AMZ1: variants seen among roughly 807,000 people sequenced by gnomAD.
AMZ1 encodes archaemetzincin-1.
Under a neutral mutation model 29.9 loss-of-function variants are expected in AMZ1, and 39 were observed. That is an observed-to-expected ratio of 1.30 (90% CI 1.01 to 1.70). AMZ1 has a LOEUF of 1.70. Ranked by LOEUF, AMZ1 falls within the 40% of genes most tolerant of loss-of-function variation. AMZ1 has a pLI of 0.00. For synonymous variants in AMZ1, 458 were observed against 304.0 expected (o/e 1.51, Z -5.27); for missense variants, 1,041 against 680.6 (o/e 1.53, Z -5.89).
chr7:2,703,030 GCAGGACC>G, intron 3 of AMZ1, 141 bp downstream of exon 3: 1 of 1,217,996 alleles, frequency 8.2e-7, no homozygotes, highest in African/African-American at 1.6e-5. Context: ...TGTTTGGGAA[GCAGGACC>G]AAGCCGGAGA....
At chr7:2,745,263 CAG>C (rs1472513679) in intron 4 of AMZ1, among the ~76,000 whole-genome samples, 1 of 152,144 alleles carries the variant, frequency 6.6e-6, no homozygotes, top group African/African-American at 2.4e-5. Flanking sequence ...TAAGGGCAGC[CAG>C]AGAGAAAGGT....
upstream of AMZ1, chr7:2,763,179 A>G (rs1791650376): frequency 1.4e-6 from 1 of 729,432 alleles, no homozygotes; most frequent in Non-Finnish European, 1.7e-6. Context: ...GCAGGACTTC[A>G]CAAGACACCC....
In AMZ1 at chr7:2,718,016, C is replaced by G. The variant is rs185790388; in HGVS notation, c.*5138C>G. Among the ~76,000 whole-genome samples, 1 of 152,224 alleles carries G rather than the reference C, an allele frequency of 6.6e-6. No individual in the cohort carries two copies. Among genetic ancestry groups the G allele is most frequent in the African/African-American group, 2.4e-5 (1 of 41,456 alleles). On this transcript the variant is annotated 3_prime_UTR_variant, in exon 7 of 7. Coordinates refer to ENST00000683327, the MANE Select transcript of AMZ1 (RefSeq NM_001384743.1). ...CCTCCCCCGGCGGCTCCACAATGGC[C>G]CTCAGAGGGTCCGCGGCAGCCAGGC...
upstream of AMZ1, among the ~76,000 whole-genome samples, chr7:2,761,380 A>C (rs1325291966): frequency 1.3e-5 from 2 of 152,194 alleles, no homozygotes; most frequent in Non-Finnish European, 2.9e-5. Flanking sequence ...ATTTCCCTGA[A>C]ACCAGACATC....
At chr7:2,736,084 G>A (rs33932857) in intron 4 of AMZ1, among the ~76,000 whole-genome samples, 43,912 of 152,044 alleles carry the variant, frequency 0.29, 6,467 homozygotes, top group Middle Eastern at 0.34. Context: ...TACAGCAGCA[G>A]CTCATTAAAA....
At chr7:2,710,227 C>A (rs1788683018) in intron 6 of AMZ1, among the ~76,000 whole-genome samples, 1 of 152,226 alleles carries the variant, frequency 6.6e-6, no homozygotes, top group Non-Finnish European at 1.5e-5. Context: ...GAGGTGGGAG[C>A]TGACACAACA....
At chr7:2,706,516 C>T (rs975048272) in intron 3 of AMZ1, among the ~76,000 whole-genome samples, 11 of 152,202 alleles carry the variant, frequency 7.2e-5, no homozygotes, top group East Asian at 1.9e-4. Context: ...GGCAGGGCCA[C>T]GTGGTCTCAG....
chr7:2,694,655 CAT>C (rs988293800), intron 1 of AMZ1, among the ~76,000 whole-genome samples: 1 of 148,170 alleles, frequency 6.7e-6, no homozygotes. Flanking sequence ...ATTAAAATCT[CAT>C]ATATATAATA....
At chr7:2,724,165 C>A (rs779388275), downstream of AMZ1, among the ~76,000 whole-genome samples, 1 of 152,120 alleles carries the variant, frequency 6.6e-6, no homozygotes, top group Non-Finnish European at 1.5e-5. Context: ...GTGATCCACC[C>A]GCCTCAGCCT....
chr7:2,761,963 C>A (rs1045419888), upstream of AMZ1, among the ~76,000 whole-genome samples: 1 of 152,192 alleles, frequency 6.6e-6, no homozygotes, highest in African/African-American at 2.4e-5. Context: ...AGCCGCCCAC[C>A]AGTCCACCCA....
At chr7:2,683,736 CTCTG>C (rs938491805), upstream of AMZ1, among the ~76,000 whole-genome samples, 1 of 152,090 alleles carries the variant, frequency 6.6e-6, no homozygotes, top group Non-Finnish European at 1.5e-5. Context: ...CCGCGCCCAG[CTCTG>C]TCTGTTTTTT....
chr7:2,762,597 A>G, upstream of AMZ1: 1 of 1,512,930 alleles, frequency 6.6e-7, no homozygotes, highest in East Asian at 2.4e-5. Context: ...CAAACCCAAA[A>G]AAGGACAATC....
At chr7:2,701,053 A>C (rs1445153734) in intron 2 of AMZ1, among the ~76,000 whole-genome samples, 14 of 152,174 alleles carry the variant, frequency 9.2e-5, no homozygotes, top group Admixed American at 9.2e-4. Flanking sequence ...GAGCCATCCC[A>C]GGCACTGTGC....
chr7:2,750,221 G>A (rs532302813), intron 4 of AMZ1, among the ~76,000 whole-genome samples: 3 of 152,176 alleles, frequency 2.0e-5, no homozygotes, highest in Non-Finnish European at 2.9e-5. Flanking sequence ...AGAACAAACT[G>A]CAAGTCCCAG....
chr7:2,709,500 C>A, intron 5 of AMZ1, 140 bp from the exon 6 acceptor site: 2 of 1,327,030 alleles, frequency 1.5e-6, no homozygotes, highest in Non-Finnish European at 1.0e-6. Context: ...CCGCCTGGGG[C>A]AGGGGGAGGG....
Position 2,696,882 on chromosome 7 carries a change from TCAAAAACAAAAAA to T in AMZ1, c.-218-3337_-218-3325del, listed in dbSNP as rs1418225452. On this transcript the variant is annotated intron_variant, in intron 1 of 6. Transcript: ENST00000683327. ...GCCTGGGGTAGAGGGAGACTCTGTC[TCAAAAACAAAAAA>T]CAAAAACAAAAAACCTTGAGGGCTG... 3.4e-5 allele frequency among the ~76,000 whole-genome samples: 5 copies of T among 147,362 alleles called. No individual in the cohort carries two copies. In the South Asian group the frequency reaches 6.4e-4, roughly 19 times the overall value.
chr7:2,683,631 G>A (rs1583129466), upstream of AMZ1, among the ~76,000 whole-genome samples: 1 of 151,938 alleles, frequency 6.6e-6, no homozygotes, highest in Non-Finnish European at 1.5e-5. Flanking sequence ...ATAGAGACGG[G>A]GTTTCACCGT....
At chr7:2,739,139 C>A (rs1790370169) in intron 4 of AMZ1, among the ~76,000 whole-genome samples, 1 of 152,224 alleles carries the variant, frequency 6.6e-6, no homozygotes, top group South Asian at 2.1e-4. Context: ...GCACCAGCCC[C>A]CTTGCCTGGG....
upstream of AMZ1, among the ~76,000 whole-genome samples, chr7:2,761,321 TG>T (rs1791543886): frequency 1.3e-5 from 2 of 152,226 alleles, no homozygotes; most frequent in Non-Finnish European, 2.9e-5. Context: ...CAGAGCCGTC[TG>T]CTGGCTATGC....
Sources: allele counts gnomAD v4.1 joint callset (sites outside exome capture counted in the v4.1 genomes callset), GRCh38; gene constraint gnomAD v4.1.1; transcripts MANE v1.5; gene names NCBI Gene and HGNC (gene_info 2026-07-23, HGNC 2026-07-21).